Variants in DPP6 observed in about 807,000 individuals in gnomAD.
DPP6 encodes the protein A-type potassium channel modulatory protein DPP6.
Under a neutral mutation model 122.6 loss-of-function variants are expected in DPP6, and 69 were observed. The ratio of observed to expected loss-of-function variants is 0.56; its 90% CI spans 0.46 to 0.69. The LOEUF is 0.69. DPP6 is among the 30% of genes least tolerant of loss of function. DPP6 has a pLI of 0.00. For synonymous variants in DPP6, 418 were observed against 433.1 expected (o/e 0.97, Z 0.43); for missense variants, 928 against 1,116.9 (o/e 0.83, Z 2.41).
In DPP6 at chr7:154,307,467, C is replaced by A. The variant is rs556872985; in HGVS notation, c.244-138747C>A. Among the ~76,000 whole-genome samples, 13 of 152,156 alleles carry A rather than the reference C, an allele frequency of 8.5e-5. No individual in the cohort carries two copies. The South Asian group carries it at 2.5e-3, about 29-fold the overall frequency. ...CTCCTCAGAGAGGTGTCACCTCAAC[C>A]CTAAAAAATGAACAGCCCCCACCCC... On this transcript the variant is annotated intron_variant, in intron 1 of 25. Coordinates refer to ENST00000377770, the MANE Select transcript of DPP6 (RefSeq NM_130797.4).
intron 5 of DPP6, among the ~76,000 whole-genome samples, chr7:154,608,258 G>T (rs1463491838): frequency 1.4e-5 from 2 of 142,450 alleles, no homozygotes; most frequent in Admixed American, 7.2e-5. Context: ...GATTACAGGC[G>T]TGAGCCACTG....
intron 1 of DPP6, among the ~76,000 whole-genome samples, chr7:154,060,904 G>T (rs1420847846): frequency 6.9e-6 from 1 of 144,984 alleles, no homozygotes; most frequent in African/African-American, 2.5e-5. Context: ...ACGAGGCGGG[G>T]ACTGAGAGCC....
chr7:154,878,931 A>G (rs1279690220), intron 20 of DPP6, among the ~76,000 whole-genome samples: 1 of 152,350 alleles, frequency 6.6e-6, no homozygotes, highest in East Asian at 1.9e-4. Context: ...TAGCTAGTGG[A>G]GGAAGCCAAA....
chr7:153,807,153 C>A, the DPP6 span, among the ~76,000 whole-genome samples: 1 of 151,836 alleles, frequency 6.6e-6, no homozygotes, highest in Non-Finnish European at 1.5e-5. Context: ...TGGCTCACAC[C>A]TGTAACCCCA....
intron 7 of DPP6, among the ~76,000 whole-genome samples, chr7:154,721,869 A>C (rs556453792): frequency 6.6e-6 from 1 of 152,274 alleles, no homozygotes; most frequent in African/African-American, 2.4e-5. Context: ...CATCCATTTA[A>C]GATTAGATTC....
rs1795618526 is a variant in DPP6, at chr7:153,965,015, CCTTCCTTCCTTCCTTCCTTT to C, written c.51+77285_51+77304del. On this transcript the variant is annotated intron_variant, in intron 1 of 25. Coordinates refer to the DPP6 transcript ENST00000404039. Reference sequence around the variant, plus strand: ...TCCTTCCTTTCTTCCTTCCTTCCTTCCTTCCTTCCTTCCTTCCTTTCTTTCTCTCAGAATTCAGACTTTGG... The same window carrying C: ...TCCTTCCTTTCTTCCTTCCTTCCTTCCTTTCTCTCAGAATTCAGACTTTGG... 1.4e-4 allele frequency among the ~76,000 whole-genome samples: 20 copies of C among 140,268 alleles called. No individual in the cohort carries two copies. In the South Asian group the frequency reaches 4.5e-3, roughly 32 times the overall value. 92.0% of individuals were successfully genotyped at this position (140,268 alleles called of 152,430 possible). A position where few individuals can be genotyped will look rare whatever the true frequency, so the allele number is the denominator to read the frequency against.
chr7:154,645,448 C>T (rs1027377607), intron 6 of DPP6, among the ~76,000 whole-genome samples: 1 of 152,112 alleles, frequency 6.6e-6, no homozygotes, highest in Non-Finnish European at 1.5e-5. Flanking sequence ...TTTCTCCCTC[C>T]CCTTCTCCCT....
At chr7:154,257,442 C>T (rs753986685) in intron 1 of DPP6, among the ~76,000 whole-genome samples, 42 of 152,082 alleles carry the variant, frequency 2.8e-4, no homozygotes, top group Non-Finnish European at 5.1e-4. Flanking sequence ...TACCTGTAAT[C>T]CCAGCACTTT....
the DPP6 span, among the ~76,000 whole-genome samples, chr7:153,856,408 A>G: frequency 6.6e-6 from 1 of 152,222 alleles, no homozygotes; most frequent in Non-Finnish European, 1.5e-5. Flanking sequence ...CAGTTTTTCC[A>G]TGACATTTAA....
chr7:153,835,580 G>A, the DPP6 span, among the ~76,000 whole-genome samples: 1 of 152,138 alleles, frequency 6.6e-6, no homozygotes, highest in Non-Finnish European at 1.5e-5. Flanking sequence ...GTGATCAGGT[G>A]CTCTACACAA....
the DPP6 span, among the ~76,000 whole-genome samples, chr7:153,800,661 C>T: frequency 2.6e-5 from 4 of 152,082 alleles, no homozygotes; most frequent in African/African-American, 9.7e-5. Context: ...AGACTACAGG[C>T]ATGCACCACC....
intron 1 of DPP6, among the ~76,000 whole-genome samples, chr7:154,031,867 T>G (rs1247024039): frequency 2.4e-5 from 3 of 126,800 alleles, no homozygotes; most frequent in Non-Finnish European, 3.3e-5. Context: ...TTTTGTTTTT[T>G]TTTTTTTTTT....
chr7:154,225,599 A>G (rs1800548989), intron 1 of DPP6, among the ~76,000 whole-genome samples: 1 of 152,106 alleles, frequency 6.6e-6, no homozygotes, highest in Non-Finnish European at 1.5e-5. Flanking sequence ...TTGGTTTGGG[A>G]GTCTACTCTG....
chr7:154,261,155 A>C (rs922032814), intron 1 of DPP6, among the ~76,000 whole-genome samples: 4 of 152,158 alleles, frequency 2.6e-5, no homozygotes, highest in Non-Finnish European at 5.9e-5. Flanking sequence ...CAGCCTCCCA[A>C]AGTGCTGGGA....
At chr7:154,120,394 G>A (rs375901373) in intron 1 of DPP6, among the ~76,000 whole-genome samples, 10 of 152,030 alleles carry the variant, frequency 6.6e-5, no homozygotes, top group East Asian at 5.8e-4. Flanking sequence ...ACAGGTGTCC[G>A]CCACCATGCC....
intron 1 of DPP6, among the ~76,000 whole-genome samples, chr7:153,991,036 T>C (rs1192151236): frequency 6.6e-6 from 1 of 152,114 alleles, no homozygotes; most frequent in Non-Finnish European, 1.5e-5. Flanking sequence ...GATAAAGGGG[T>C]CCCTAGAATG....
At chr7:154,578,276 C>CA (rs2130644745) in intron 5 of DPP6, among the ~76,000 whole-genome samples, 1 of 152,190 alleles carries the variant, frequency 6.6e-6, no homozygotes, top group African/African-American at 2.4e-5. Flanking sequence ...CACAGTAAGG[C>CA]AACTCATCAT....
At chr7:154,678,195 G>T (rs1019751105) in intron 7 of DPP6, among the ~76,000 whole-genome samples, 1 of 152,214 alleles carries the variant, frequency 6.6e-6, no homozygotes, top group Non-Finnish European at 1.5e-5. Flanking sequence ...CAGGATGGGG[G>T]CGGGCCAAAT....
At chr7:154,510,936 GCACACACACACA>G (rs3056506) in intron 3 of DPP6, among the ~76,000 whole-genome samples, 1,570 of 145,168 alleles carry the variant, frequency 0.011, 26 homozygotes, top group African/African-American at 0.036. Context: ...ACACACACAT[GCACACACACACA>G]CACACACACA....
Sources: gnomAD v4.1 joint callset for allele counts (sites outside exome capture counted in the v4.1 genomes callset) on GRCh38, gnomAD v4.1.1 for gene constraint, MANE v1.5 for transcripts, NCBI Gene and HGNC (gene_info 2026-07-23, HGNC 2026-07-21) for gene names.